The following SPAG9 variants were observed in gnomAD, a reference collection of about 807,000 sequenced individuals.
SPAG9 encodes sperm associated antigen 9.
SPAG9 carries 35 observed loss-of-function variants against 166.5 expected under a neutral mutation model. The observed-to-expected ratio is 0.21, with a 90% CI of 0.16 to 0.28. SPAG9 has a LOEUF of 0.28. Ranked by LOEUF, SPAG9 falls within the 10% of genes least tolerant of loss-of-function variation. The pLI is 1.00. For synonymous variants in SPAG9, 534 were observed against 565.5 expected (o/e 0.94, Z 0.79); for missense variants, 1,235 against 1,603.3 (o/e 0.77, Z 3.92).
At chr17:51,100,391 G>A (rs1375877593) in intron 1 of SPAG9, among the ~76,000 whole-genome samples, 1 of 152,134 alleles carries the variant, frequency 6.6e-6, no homozygotes. Flanking sequence ...GACTGCTTGA[G>A]CCCAGAAGTT....
chr17:51,017,893 TCTATG>T (rs969195842), intron 8 of SPAG9, among the ~76,000 whole-genome samples: 23 of 151,898 alleles, frequency 1.5e-4, no homozygotes, highest in African/African-American at 5.1e-4. Flanking sequence ...TACTCTAGGG[TCTATG>T]CTTTTAACCG....
intron 5 of SPAG9, among the ~76,000 whole-genome samples, chr17:51,040,237 ACT>A (rs1289112814): frequency 1.4e-5 from 2 of 141,724 alleles, no homozygotes; most frequent in Non-Finnish European, 3.1e-5. Flanking sequence ...ACACAGCAAG[ACT>A]CTGTCTCAAA....
In SPAG9 at chr17:51,018,439, G is replaced by A. The variant is rs148109809; in HGVS notation, c.1091+1720C>T. On this transcript the variant is annotated intron_variant, in intron 8 of 29. Transcript: ENST00000262013. ...TTCCCATGTAAAATGATACCAAAAT[G>A]AGACTAATTTCTTCCAATAATGAGA... Among the ~76,000 whole-genome samples, 1,049 of 152,130 alleles carry A rather than the reference G, an allele frequency of 6.9e-3. 15 individuals are homozygous for A. Among genetic ancestry groups the A allele is most frequent in the African/African-American group, 0.023 (958 of 41,516 alleles).
chr17:51,079,505 C>G (rs2048105386), intron 2 of SPAG9, 79 bp downstream of exon 2: 1 of 1,414,614 alleles, frequency 7.1e-7, no homozygotes, highest in African/African-American at 1.4e-5. Context: ...TCCCAAAGTG[C>G]TGGGATTACA....
At position 50,993,778 on chromosome 17, in the gene SPAG9, A is replaced by G; in HGVS notation, c.2384T>C (p.Ile795Thr). The G allele has an allele frequency of 6.2e-7, 1 of 1,614,080 alleles. No individual in the cohort carries two copies. Among genetic ancestry groups the G allele is most frequent in the Non-Finnish European group, 8.5e-7 (1 of 1,179,958 alleles). ...FTVCNSHVLC[I>T]ASVPGARETD... ...CTCACTCTTACCTGGCACACTTGCA[A>G]TGCACAGAACATGAGAGTTGCAAAC... Residue 795 changes from isoleucine (I) to threonine (T), a missense_variant, in exon 19 of 30, where the codon ATT becomes ACT. Physicochemically the swap from Ile to Thr is moderately conservative, Grantham distance 89. Around this residue, in one of 6 missense-constraint regions of SPAG9, gnomAD observed 493 missense variants for 559.4 expected, o/e 0.88. Transcript: ENST00000262013.
chr17:50,982,204 T>C (rs1278555061), intron 25 of SPAG9, among the ~76,000 whole-genome samples: 1 of 152,166 alleles, frequency 6.6e-6, no homozygotes, highest in East Asian at 1.9e-4. Flanking sequence ...CAAACAATCC[T>C]CATATAACTA....
intron 4 of SPAG9, among the ~76,000 whole-genome samples, chr17:51,045,264 C>T (rs1216345119): frequency 6.6e-6 from 1 of 152,160 alleles, no homozygotes; most frequent in Non-Finnish European, 1.5e-5. Flanking sequence ...CCCAAGACAT[C>T]CCCTTAACAT....
intron 6 of SPAG9, among the ~76,000 whole-genome samples, chr17:51,030,688 T>A (rs968629071): frequency 6.6e-6 from 1 of 152,132 alleles, no homozygotes; most frequent in African/African-American, 2.4e-5. Context: ...GTAAAATCCA[T>A]CTAAGTGTAA....
At position 51,021,125 on chromosome 17, in the gene SPAG9, T is replaced by C. The variant is rs750661824; in HGVS notation, c.991+33A>G. 1.9e-6 allele frequency: 3 copies of C among 1,560,420 alleles called. No individual in the cohort carries two copies. In the African/African-American group the frequency reaches 4.1e-5, roughly 21 times the overall value. On this transcript the variant is annotated intron_variant, in intron 7 of 29. Coordinates refer to ENST00000262013, the MANE Select transcript of SPAG9 (RefSeq NM_001130528.3). ...CACATTATCCAGGTTTACTGAATAC[T>C]TTCCTAGTAAGTAAAGAACTAGGGT...
intron 28 of SPAG9, among the ~76,000 whole-genome samples, chr17:50,973,717 C>T (rs897854784): frequency 2.6e-5 from 4 of 152,162 alleles, no homozygotes; most frequent in East Asian, 1.9e-4. Flanking sequence ...GCAGATTACA[C>T]GCCACAGTGT....
chr17:50,975,964 G>A (rs1273449699), intron 27 of SPAG9: 1 of 1,257,802 alleles, frequency 8.0e-7, no homozygotes, highest in African/African-American at 1.5e-5. Flanking sequence ...GAGAATTACT[G>A]TGAGCCACCA....
intron 5 of SPAG9, among the ~76,000 whole-genome samples, chr17:51,037,198 G>A (rs560344685): frequency 3.0e-4 from 45 of 152,234 alleles, no homozygotes; most frequent in Non-Finnish European, 5.6e-4. Context: ...AGCCTCCCAG[G>A]CTCAAGTTGA....
chr17:51,040,856 T>C (rs115215046), intron 5 of SPAG9, among the ~76,000 whole-genome samples: 31 of 152,358 alleles, frequency 2.0e-4, no homozygotes, highest in African/African-American at 6.7e-4. Context: ...AAAGATCTTT[T>C]ATAATCAATA....
chr17:51,009,149 AAGC>A (rs1304326918), intron 9 of SPAG9: 2 of 453,472 alleles, frequency 4.4e-6, no homozygotes, highest in African/African-American at 4.0e-5. Flanking sequence ...TCCCCTACGT[AAGC>A]AGCCCAAGAG....
At chr17:51,012,199 A>G (rs1435088468) in intron 9 of SPAG9, among the ~76,000 whole-genome samples, 1 of 152,206 alleles carries the variant, frequency 6.6e-6, no homozygotes, top group Non-Finnish European at 1.5e-5. Context: ...ATGCCTTAAA[A>G]GAAACTTTTC....
chr17:51,044,788 T>A (rs972906427), intron 4 of SPAG9, among the ~76,000 whole-genome samples: 1 of 152,218 alleles, frequency 6.6e-6, no homozygotes, highest in African/African-American at 2.4e-5. Flanking sequence ...TCCAAGCCCT[T>A]TGCTTTCCTT....
At chr17:51,017,688 G>A (rs1598003791) in intron 8 of SPAG9, among the ~76,000 whole-genome samples, 1 of 152,160 alleles carries the variant, frequency 6.6e-6, no homozygotes, top group East Asian at 1.9e-4. Context: ...GTTGTAATTA[G>A]GATCAAATTA....
intron 1 of SPAG9, chr17:51,085,554 T>A (rs2048282616): frequency 6.6e-6 from 1 of 152,248 alleles, no homozygotes; most frequent in South Asian, 2.1e-4. Context: ...GCAAGGCTAT[T>A]ATCTCCAAAG....
In SPAG9 at chr17:50,996,682, A is replaced by G. The variant is rs2044696851; in HGVS notation, c.1851T>C (p.Ser617=). 1 of 1,613,944 alleles carries G rather than the reference A, an allele frequency of 6.2e-7. No individual in the cohort carries two copies. Among genetic ancestry groups the G allele is most frequent in the Non-Finnish European group, 8.5e-7 (1 of 1,179,942 alleles). Reference sequence around the variant, plus strand: ...TCTTTTGTTCTCTGCGTGAGGCTAAACTAGCTTCAGTTCTAAAAGGAAAAA... The same window carrying G: ...TCTTTTGTTCTCTGCGTGAGGCTAAGCTAGCTTCAGTTCTAAAAGGAAAAA... The part of the protein sequence containing the change: ...FDFLSEETEA[S]LASRREQKRE... The change falls in exon 16 of 30, where the codon AGT becomes AGC. Residue 617 remains serine (S), a synonymous_variant. Transcript: ENST00000262013.
Sources: allele counts gnomAD v4.1 joint callset (sites outside exome capture counted in the v4.1 genomes callset), GRCh38; gene constraint gnomAD v4.1.1; regional missense constraint gnomAD v4.1.1; transcripts MANE v1.5; gene names NCBI Gene and HGNC (gene_info 2026-07-23, HGNC 2026-07-21).